Variants in URGCP observed in about 807,000 individuals in gnomAD.
URGCP encodes upregulator of cell proliferation.
A neutral mutation model predicts 24.6 loss-of-function variants in URGCP; 13 were observed. The observed-to-expected ratio is 0.53, with a 90% confidence interval of 0.34 to 0.84. URGCP has a LOEUF of 0.84. Ranked by LOEUF, URGCP falls within the 40% of genes least tolerant of loss-of-function variation. The pLI, the probability that URGCP is intolerant of heterozygous loss-of-function variation, is 0.01. For synonymous variants in URGCP, 444 were observed against 487.2 expected (o/e 0.91, Z 1.17); for missense variants, 899 against 1,194.3 (o/e 0.75, Z 3.64).
chr7:43,899,195 C>A (rs2095885028), intron 1 of URGCP, among the ~76,000 whole-genome samples: 1 of 145,444 alleles, frequency 6.9e-6, no homozygotes, highest in African/African-American at 2.5e-5. Flanking sequence ...ATAATATATG[C>A]CTTATTATAA....
intron 1 of URGCP, among the ~76,000 whole-genome samples, chr7:43,916,897 C>G (rs2095916236): frequency 6.6e-6 from 1 of 152,144 alleles, no homozygotes; most frequent in Non-Finnish European, 1.5e-5. Context: ...TCCCCTCTTT[C>G]TAGATGAGTA....
chr7:43,922,449 A>G (rs1240350987), intron 1 of URGCP, among the ~76,000 whole-genome samples: 2 of 152,200 alleles, frequency 1.3e-5, no homozygotes, highest in East Asian at 1.9e-4. Flanking sequence ...GAGGGTTCCA[A>G]CTTCTCCACA....
At chr7:43,908,328 T>C (rs975326706), upstream of URGCP, among the ~76,000 whole-genome samples, 1 of 152,224 alleles carries the variant, frequency 6.6e-6, no homozygotes, top group Non-Finnish European at 1.5e-5. Flanking sequence ...TCTGCCTGCC[T>C]CAGCCTCCCA....
chr7:43,880,187 T>C (rs1295970736), intron 5 of URGCP, among the ~76,000 whole-genome samples: 1 of 152,172 alleles, frequency 6.6e-6, no homozygotes, highest in Admixed American at 6.5e-5. Flanking sequence ...CCTCTCAAAG[T>C]GCTGGGATTA....
intron 1 of URGCP, among the ~76,000 whole-genome samples, chr7:43,912,704 A>G (rs62458680): frequency 0.11 from 16,549 of 152,172 alleles, 1,092 homozygotes; most frequent in Admixed American, 0.18. Flanking sequence ...ACCCATCAAC[A>G]TAGGATGTCT....
intron 1 of URGCP, among the ~76,000 whole-genome samples, chr7:43,921,434 G>C (rs1467030276): frequency 2.0e-5 from 3 of 152,198 alleles, no homozygotes; most frequent in African/African-American, 7.2e-5. Context: ...ATACCTTTTA[G>C]TTCATGTGAC....
At chr7:43,926,440 C>T (rs2095930615), upstream of URGCP, 2 of 1,169,872 alleles carry the variant, frequency 1.7e-6, no homozygotes, top group African/African-American at 3.3e-5. Flanking sequence ...CAGGCTGCGG[C>T]TCCCGGCGTG....
intron 1 of URGCP, among the ~76,000 whole-genome samples, chr7:43,903,260 T>C (rs755408722): frequency 3.3e-5 from 5 of 152,082 alleles, no homozygotes; most frequent in African/African-American, 7.2e-5. Context: ...GTTGGGCAAA[T>C]AAGCAAGCTG....
chr7:43,920,176 A>G, intron 1 of URGCP: 1 of 579,792 alleles, frequency 1.7e-6, no homozygotes, highest in Non-Finnish European at 3.1e-6. Context: ...ATATACATGC[A>G]TTTTCTGTTA....
At chr7:43,890,712 C>T (rs770509940) in intron 1 of URGCP, among the ~76,000 whole-genome samples, 11 of 152,172 alleles carry the variant, frequency 7.2e-5, no homozygotes, top group South Asian at 2.1e-4. Context: ...GTGACCTGAT[C>T]GCCACCCTCA....
intron 1 of URGCP, chr7:43,918,778 A>G (rs2095918618): frequency 2.2e-6 from 2 of 925,198 alleles, no homozygotes; most frequent in Non-Finnish European, 3.6e-6. Flanking sequence ...CTGTGCACTG[A>G]GCATGGTATC....
Position 43,878,620 on chromosome 7 carries a change from G to T in URGCP, c.843C>A (p.Ala281=), listed in dbSNP as rs748072445. The T allele has an allele frequency of 1.9e-6, 3 of 1,613,678 alleles. No homozygotes were observed. Among genetic ancestry groups the T allele is most frequent in the Admixed American group, 3.3e-5 (2 of 60,016 alleles). Residue 281 remains alanine, a synonymous_variant, in exon 6 of 6, where the codon GCC becomes GCA. Transcript: ENST00000453200. This position sits in a 1 kb window ranked among gnomAD's most constrained non-coding sequence, Gnocchi z 5.6. ...ACTGCCTGTGGCCCGGGCTGAGGACGGCGTTGAGAAGCTGGGACTTGGAGT... is the reference window on the plus strand; with the variant it reads ...ACTGCCTGTGGCCCGGGCTGAGGACTGCGTTGAGAAGCTGGGACTTGGAGT... ...SSNSKSQLLN[A]VLSPGHRQWD... is the part of the protein sequence containing the mutation.
chr7:43,877,727 T>G lies in URGCP; in HGVS notation c.1736A>C (p.Gln579Pro), dbSNP rs759997873. The change falls in exon 6 of 6, where the codon CAG (glutamine) becomes CCG (proline). Residue 579 changes from glutamine (Q) to proline (P), a missense_variant. Transcript: ENST00000453200. ...CTCCGGAGGCTGTCTCAGTCGCGGC[T>G]GGGCCACCCGTGCCAGGCCCCACTC... is the stretch of plus-strand genomic sequence containing the variant. ...WMEWGLARVAQPRLRQPPETL... is the reference protein window; with the variant it reads ...WMEWGLARVAPPRLRQPPETL... The G allele has an allele frequency of 3.7e-6, 6 of 1,611,118 alleles. No homozygotes were observed. The South Asian group carries it at 6.6e-5, about 18-fold the overall frequency.
intron 1 of URGCP, among the ~76,000 whole-genome samples, chr7:43,899,964 G>C (rs1385199482): frequency 6.6e-6 from 1 of 151,828 alleles, no homozygotes; most frequent in Admixed American, 6.6e-5. Context: ...GTAAGACCCT[G>C]TCTCTACAAA....
Position 43,876,697 on chromosome 7 carries a change from CTGGA to C in URGCP, c.2762_2765del (p.Ile921SerfsTer7). Reference sequence around the variant, plus strand: ...GCCGTCTCACCAGCTCAATGAGCTGCTGGATGTTTTTGTTTTGGTTCGACAAGCC... The same window carrying C: ...GCCGTCTCACCAGCTCAATGAGCTGCTGTTTTTGTTTTGGTTCGACAAGCC... On this transcript the variant is annotated frameshift_variant, in exon 6 of 6. Transcript: ENST00000453200. LOFTEE classifies it high-confidence loss of function. The C allele has an allele frequency of 6.2e-7, 1 of 1,614,206 alleles. No homozygotes were observed. The highest frequency in any genetic ancestry group is 8.5e-7 in the Non-Finnish European group (1 of 1,180,038).
chr7:43,883,321 AATATATATATATATACATATATAT>A (rs1259625985), intron 3 of URGCP, among the ~76,000 whole-genome samples: 381 of 134,530 alleles, frequency 2.8e-3, no homozygotes, highest in African/African-American at 0.01. Flanking sequence ...TATATATATA[AATATATATATATATACATATATAT>A]ATATATATAT....
chr7:43,881,801 T>A (rs1291793846), intron 4 of URGCP, 104 bp from the exon 5 acceptor site: 1 of 1,606,518 alleles, frequency 6.2e-7, no homozygotes, highest in African/African-American at 1.3e-5. Context: ...CTCACCAAGA[T>A]GGCAACTTCT....
At chr7:43,883,345 TATATATATATATATATA>T (rs1395475317) in intron 3 of URGCP, among the ~76,000 whole-genome samples, 7 of 97,802 alleles carry the variant, frequency 7.2e-5, no homozygotes, top group African/African-American at 3.4e-4. Context: ...TACATATATA[TATATATATATATATATA>T]TTTTTTTTTT....
chr7:43,900,176 G>A (rs371663748), intron 1 of URGCP, among the ~76,000 whole-genome samples: 12 of 151,300 alleles, frequency 7.9e-5, no homozygotes, highest in South Asian at 4.2e-4. Flanking sequence ...AAAGTCAGCC[G>A]GGCGCGGTGG....
Sources: gnomAD v4.1 joint callset for allele counts (sites outside exome capture counted in the v4.1 genomes callset) on GRCh38, gnomAD v4.1.1 for gene constraint, Gnocchi (gnomAD v3.1) non-coding constraint, MANE v1.5 for transcripts, NCBI Gene and HGNC (gene_info 2026-07-23, HGNC 2026-07-21) for gene names.